FAF1: variants seen among roughly 807,000 people sequenced by gnomAD.
FAF1 encodes Fas associated factor 1.
A neutral mutation model predicts 92.5 loss-of-function variants in FAF1; 25 were observed. The observed-to-expected ratio is 0.27, with a 90% CI of 0.20 to 0.38. The LOEUF (loss-of-function observed/expected upper bound fraction) is 0.38. Among genes scored for constraint, FAF1 ranks in the 10% least tolerant of loss-of-function variants. The probability of loss-of-function intolerance (pLI) is 1.00; values close to 1 mark genes in which losing one functional copy is unlikely to be tolerated. For synonymous variants in FAF1, 234 were observed against 273.2 expected (o/e 0.86, Z 1.42); for missense variants, 636 against 793.3 (o/e 0.80, Z 2.38).
At chr1:50,722,585 C>G (rs906717639) in intron 6 of FAF1, among the ~76,000 whole-genome samples, 14 of 148,348 alleles carry the variant, frequency 9.4e-5, no homozygotes, top group African/African-American at 3.0e-4. Flanking sequence ...GGCGGCAGAG[C>G]TTGCAGTGAG....
intron 7 of FAF1, among the ~76,000 whole-genome samples, chr1:50,682,087 G>A (rs533311335): frequency 7.2e-5 from 11 of 151,914 alleles, no homozygotes; most frequent in African/African-American, 2.4e-4. Context: ...CACCCACTTT[G>A]GCCTCCCAAA....
At chr1:50,642,601 A>G (rs1654390862) in intron 8 of FAF1, among the ~76,000 whole-genome samples, 1 of 152,024 alleles carries the variant, frequency 6.6e-6, no homozygotes, top group Non-Finnish European at 1.5e-5. Context: ...GTGAGCCAAG[A>G]TCACGCCACT....
intron 12 of FAF1, among the ~76,000 whole-genome samples, chr1:50,580,123 A>G (rs932704558): frequency 6.6e-6 from 1 of 152,118 alleles, no homozygotes; most frequent in African/African-American, 2.4e-5. Context: ...TTAAGTTTCA[A>G]TAACTTCAAA....
At chr1:50,872,929 C>T (rs1303173230) in intron 1 of FAF1, among the ~76,000 whole-genome samples, 2 of 151,832 alleles carry the variant, frequency 1.3e-5, no homozygotes, top group Admixed American at 6.6e-5. Flanking sequence ...TATCAAACAG[C>T]ACTGCATGCT....
At chr1:50,638,450 T>C (rs1423388879) in intron 8 of FAF1, among the ~76,000 whole-genome samples, 1 of 149,514 alleles carries the variant, frequency 6.7e-6, no homozygotes, top group African/African-American at 2.5e-5. Flanking sequence ...TTTTTCTTTT[T>C]TTTTTTTTTT....
chr1:50,727,272 C>T (rs561033815), intron 6 of FAF1, among the ~76,000 whole-genome samples: 1 of 152,180 alleles, frequency 6.6e-6, no homozygotes, highest in African/African-American at 2.4e-5. Context: ...TTATTATAAA[C>T]CAGATACACC....
chr1:50,769,626 A>G (rs1660706428), intron 4 of FAF1, among the ~76,000 whole-genome samples: 1 of 152,246 alleles, frequency 6.6e-6, no homozygotes. Flanking sequence ...CCTGGGATGC[A>G]AGGTTGGTTT....
chr1:50,939,188 A>C (rs1420446091), intron 1 of FAF1, among the ~76,000 whole-genome samples: 1 of 152,212 alleles, frequency 6.6e-6, no homozygotes, highest in African/African-American at 2.4e-5. Context: ...TCATTCTTCC[A>C]ATGCATAAGC....
intron 1 of FAF1, among the ~76,000 whole-genome samples, chr1:50,939,419 T>C (rs1375260027): frequency 2.6e-5 from 4 of 152,234 alleles, no homozygotes; most frequent in Admixed American, 2.0e-4. Flanking sequence ...TGATTTTATA[T>C]CCTGAAACCT....
chr1:50,756,922 A>C (rs938127408), intron 4 of FAF1, among the ~76,000 whole-genome samples: 9 of 152,228 alleles, frequency 5.9e-5, no homozygotes, highest in African/African-American at 1.9e-4. Context: ...ATTCAAGATG[A>C]GATTTGGAAG....
intron 15 of FAF1, among the ~76,000 whole-genome samples, chr1:50,519,377 AG>A (rs1349006394): frequency 3.1e-3 from 118 of 38,026 alleles, no homozygotes; most frequent in Middle Eastern, 0.038. Context: ...GGAAGGAGGG[AG>A]GGAGGGAGGG....
intron 4 of FAF1, among the ~76,000 whole-genome samples, chr1:50,772,093 C>T (rs1243113291): frequency 1.3e-5 from 2 of 151,962 alleles, no homozygotes; most frequent in Non-Finnish European, 2.9e-5. Flanking sequence ...TGCTCAACTG[C>T]AAGAAACATT....
chr1:50,940,533 T>C (rs538193387), intron 1 of FAF1, among the ~76,000 whole-genome samples: 8 of 152,352 alleles, frequency 5.3e-5, no homozygotes, highest in Non-Finnish European at 1.0e-4. Flanking sequence ...GTGCTGGGAT[T>C]ATAGGCATGA....
At chr1:50,584,843 T>C in intron 9 of FAF1, 32 bp from the exon 10 acceptor site, 1 of 1,606,626 alleles carries the variant, frequency 6.2e-7, no homozygotes, top group African/African-American at 1.3e-5. Flanking sequence ...TAGTTTCATA[T>C]TGATTTTGGC....
At chr1:50,787,485 C>T (rs773307844) in intron 4 of FAF1, among the ~76,000 whole-genome samples, 2 of 152,208 alleles carry the variant, frequency 1.3e-5, no homozygotes, top group African/African-American at 2.4e-5. Flanking sequence ...TAGGCGGATA[C>T]AGCATCAACG....
In FAF1 at chr1:50,673,183, G is replaced by A. The variant is rs533283404; in HGVS notation, c.658-17655C>T. 7.2e-5 allele frequency among the ~76,000 whole-genome samples: 11 copies of A among 152,024 alleles called. No homozygotes were observed. The East Asian group carries it at 1.2e-3, about 16-fold the overall frequency. On this transcript the variant is annotated intron_variant, in intron 7 of 18. Transcript: ENST00000396153. ...TGAGGCAGGAGAATTGCTTGAACCC[G>A]GGAGGCAGAGGTTGCAGTGAGCCAA... is the stretch of plus-strand genomic sequence containing the variant.
At chr1:50,654,348 A>T (rs183809502) in intron 8 of FAF1, among the ~76,000 whole-genome samples, 1 of 152,260 alleles carries the variant, frequency 6.6e-6, no homozygotes, top group African/African-American at 2.4e-5. Context: ...AGATTTCCAG[A>T]AACATTCTCA....
chr1:50,598,535 T>C (rs1471838463), intron 8 of FAF1, among the ~76,000 whole-genome samples: 4 of 151,994 alleles, frequency 2.6e-5, no homozygotes, highest in African/African-American at 9.7e-5. Context: ...CTAACAGGCT[T>C]TCTGTGAGGA....
At chr1:50,957,386 C>G (rs1210307792) in intron 1 of FAF1, among the ~76,000 whole-genome samples, 1 of 130,848 alleles carries the variant, frequency 7.6e-6, no homozygotes, top group Non-Finnish European at 1.6e-5. Flanking sequence ...GAGTCTCGCT[C>G]TGTCGCCCAG....
Sources: gnomAD v4.1 joint callset for allele counts (sites outside exome capture counted in the v4.1 genomes callset) on GRCh38, gnomAD v4.1.1 for gene constraint, MANE v1.5 for transcripts, NCBI Gene and HGNC (gene_info 2026-07-23, HGNC 2026-07-21) for gene names.